SSRP1: variants seen among roughly 807,000 people sequenced by gnomAD.
SSRP1 encodes the protein structure specific recognition protein 1.
Under a neutral mutation model 84.4 loss-of-function variants are expected in SSRP1, and 21 were observed. The ratio of observed to expected loss-of-function variants is 0.25; its 90% CI spans 0.18 to 0.36. SSRP1 has a LOEUF of 0.36. SSRP1 is among the 10% of genes least tolerant of loss of function. The pLI is 1.00. For missense variants in SSRP1, 519 were observed against 900.8 expected, an observed-to-expected ratio of 0.58 and a Z score of 5.43; for synonymous variants, 319 against 318.3, an observed-to-expected ratio of 1.00 and a Z score of -0.02.
intron 12 of SSRP1, chr11:57,329,035 A>T (rs1856039397): frequency 6.6e-6 from 1 of 152,546 alleles, no homozygotes; most frequent in South Asian, 2.1e-4. Context: ...AGTCCAACCC[A>T]GTGCCTACCC....
chr11:57,328,972 A>G (rs1856038170), intron 12 of SSRP1: 1 of 152,530 alleles, frequency 6.6e-6, no homozygotes, highest in East Asian at 1.9e-4. Flanking sequence ...TGGCCCCTAC[A>G]GTCTTCTGAT....
At position 57,335,388 on chromosome 11, in the gene SSRP1, G is replaced by A. The variant is rs1017752776; in HGVS notation, c.-119-148C>T. On this transcript the variant is annotated intron_variant, in intron 1 of 16. Transcript: ENST00000278412. The surrounding 1 kb of genome is among the most constrained non-coding windows in gnomAD (Gnocchi z 4.6). Reference sequence around the variant, plus strand: ...ACAGACGGACGCTGCAGTGCCCGAGGGTCCAGGTCCAGGCCTGGGTGGAGA... The same window carrying A: ...ACAGACGGACGCTGCAGTGCCCGAGAGTCCAGGTCCAGGCCTGGGTGGAGA... 6 of 430,882 alleles carry A rather than the reference G, an allele frequency of 1.4e-5. No homozygotes were observed. The highest frequency in any genetic ancestry group is 1.2e-4 in the African/African-American group (6 of 49,582). 26.7% of individuals were successfully genotyped at this position (430,882 alleles called of 1,614,324 possible). A position where few individuals can be genotyped will look rare whatever the true frequency, so the allele number is the denominator to read the frequency against.
rs1487086828 is a variant in SSRP1 at position 57,333,127 on chromosome 11, A to G, written c.369T>C (p.Ile123=). The change falls in exon 5 of 17, where the codon ATT becomes ATC. Residue 123 remains isoleucine, a synonymous_variant. Coordinates refer to ENST00000278412, the MANE Select transcript of SSRP1 (RefSeq NM_003146.3). ...KFGGQLLSFD[I]GDQPVFEIPL... is the part of the protein sequence containing the mutation. Reference sequence around the variant, plus strand: ...GTATCTCAAAGACTGGCTGGTCACCAATGTCAAAGGAAAGCAGCTGCCCTG... The same window carrying G: ...GTATCTCAAAGACTGGCTGGTCACCGATGTCAAAGGAAAGCAGCTGCCCTG... 2 of 1,611,710 alleles carry G rather than the reference A, an allele frequency of 1.2e-6. No homozygotes were observed. The highest frequency in any genetic ancestry group is 1.7e-5 in the Admixed American group (1 of 59,940).
chr11:57,335,630 C>T lies in SSRP1; in HGVS notation c.-120+100G>A, dbSNP rs1336060011. The T allele has an allele frequency of 6.2e-6, 1 of 161,588 alleles. No individual in the cohort carries two copies. 10.0% of individuals were successfully genotyped at this position (161,588 alleles called of 1,614,324 possible). On this transcript the variant is annotated intron_variant, in intron 1 of 16. Transcript: ENST00000278412. This position sits in a 1 kb window ranked among gnomAD's most constrained non-coding sequence, Gnocchi z 4.6. Reference sequence around the variant, plus strand: ...ACCCCCGCCCCACATAATGGATTCGCCCGCTCCCCGCGGTTGCGAACGCGG... The same window carrying T: ...ACCCCCGCCCCACATAATGGATTCGTCCGCTCCCCGCGGTTGCGAACGCGG...
Position 57,332,859 on chromosome 11 carries a change from C to A in SSRP1, c.538-4G>T. The A allele has an allele frequency of 1.9e-6, 3 of 1,606,720 alleles. No homozygotes were observed. Among genetic ancestry groups the A allele is most frequent in the Non-Finnish European group, 2.6e-6 (3 of 1,174,390 alleles). On this transcript the variant is annotated splice_polypyrimidine_tract_variant and splice_region_variant and intron_variant, in intron 5 of 16. Coordinates refer to ENST00000278412, the MANE Select transcript of SSRP1 (RefSeq NM_003146.3). The surrounding 1 kb of genome is among the most constrained non-coding windows in gnomAD (Gnocchi z 5.5). The stretch of plus-strand genomic sequence containing the variant: ...ACAACACATTCTGGGCAAAGGCCTG[C>A]AAAAGCACATATTGGTAGCCAAGCA...
rs1408328078 is a variant in SSRP1 at position 57,334,551 on chromosome 11, C to A, written c.152G>T (p.Gly51Val). 2.5e-6 allele frequency: 4 copies of A among 1,614,206 alleles called. No homozygotes were observed. Among genetic ancestry groups the A allele is most frequent in the African/African-American group, 1.3e-5 (1 of 75,072 alleles). The change falls in exon 3 of 17, where the codon GGT becomes GTT. Residue 51 changes from glycine (G) to valine (V), a missense_variant. Physicochemically the swap from Gly to Val is moderately radical, Grantham distance 109. Around this residue, in one of 7 missense-constraint regions of SSRP1, gnomAD observed 88 missense variants for 122.0 expected, o/e 0.72. Transcript: ENST00000278412. ...DNIQAGELTE[G>V]IWRRVALGHG... is the part of the protein sequence containing the mutation. ...GCCCAGAGCAACACGGCGCCAGATA[C>A]CTTCTGTTAACTCCCCAGCCTGGAT...
intron 2 of SSRP1, 112 bp from the exon 3 acceptor site, chr11:57,334,760 G>A (rs1047927464): frequency 3.8e-6 from 5 of 1,301,444 alleles, no homozygotes; most frequent in Non-Finnish European, 5.3e-6. Context: ...GATTATCAAT[G>A]CAGGAGCAAC....
chr11:57,328,484 C>T, intron 12 of SSRP1, 58 bp from the exon 13 acceptor site: 1 of 1,605,744 alleles, frequency 6.2e-7, no homozygotes, highest in Non-Finnish European at 8.5e-7. Context: ...CCCACGGCCT[C>T]AGGACAGGAG....
chr11:57,333,625 T>C, intron 3 of SSRP1, 85 bp from the exon 4 acceptor site: 1 of 980,688 alleles, frequency 1.0e-6, no homozygotes, highest in Non-Finnish European at 1.6e-6. Context: ...TATCTATTTC[T>C]GAGAAACTGC....
At position 57,330,236 on chromosome 11, in the gene SSRP1, G is replaced by C; in HGVS notation, c.1435+55C>G. 2 of 1,614,044 alleles carry C rather than the reference G, an allele frequency of 1.2e-6. No homozygotes were observed. Among genetic ancestry groups the C allele is most frequent in the South Asian group, 2.2e-5 (2 of 91,080 alleles). On this transcript the variant is annotated intron_variant, in intron 11 of 16. Transcript: ENST00000278412. This position sits in a 1 kb window ranked among gnomAD's most constrained non-coding sequence, Gnocchi z 4.0. Reference sequence around the variant, plus strand: ...CTGGCCCAAGGGTGAGTCCAGCCCGGGCCACAGCGAGGAGCGTCTGACCAT... The same window carrying C: ...CTGGCCCAAGGGTGAGTCCAGCCCGCGCCACAGCGAGGAGCGTCTGACCAT...
chr11:57,331,651 C>G lies in SSRP1; in HGVS notation c.1223+17G>C, dbSNP rs1170720529. 16 of 1,599,042 alleles carry G rather than the reference C, an allele frequency of 1.0e-5. No individual in the cohort carries two copies. The highest frequency in any genetic ancestry group is 1.4e-5 in the Non-Finnish European group (16 of 1,166,584). ...CGGGACCAGGATGCCCAGGAAGTGA[C>G]AGGTGGAGGTTCTCACCTCTCAATG... On this transcript the variant is annotated intron_variant, in intron 9 of 16. Coordinates refer to ENST00000278412, the MANE Select transcript of SSRP1 (RefSeq NM_003146.3).
intron 12 of SSRP1, chr11:57,329,855 C>T: frequency 1.7e-6 from 1 of 591,638 alleles, no homozygotes; most frequent in Non-Finnish European, 3.0e-6. Context: ...CCCCAACTGG[C>T]ACATTCAGGG....
In SSRP1 at chr11:57,334,571, C is replaced by T; in HGVS notation, c.132G>A (p.Gln44=). 1.2e-6 allele frequency: 2 copies of T among 1,614,258 alleles called. No individual in the cohort carries two copies. The highest frequency in any genetic ancestry group is 2.2e-5 in the East Asian group (1 of 44,890). Residue 44 remains glutamine (Q), a synonymous_variant, in exon 3 of 17, where the codon CAG becomes CAA. Transcript: ENST00000278412. ...AGATACCTTCTGTTAACTCCCCAGC[C>T]TGGATGTTGTCCACTTTGCCTGTCT... The part of the protein sequence containing the change: ...NSKTGKVDNI[Q]AGELTEGIWR...
chr11:57,330,231 GC>G lies in SSRP1; in HGVS notation c.1435+59del. The G allele has an allele frequency of 6.2e-7, 1 of 1,614,034 alleles. No individual in the cohort carries two copies. Among genetic ancestry groups the G allele is most frequent in the South Asian group, 1.1e-5 (1 of 91,078 alleles). On this transcript the variant is annotated intron_variant, in intron 11 of 16. Coordinates refer to ENST00000278412, the MANE Select transcript of SSRP1 (RefSeq NM_003146.3). This position sits in a 1 kb window ranked among gnomAD's most constrained non-coding sequence, Gnocchi z 4.0. Reference sequence around the variant, plus strand: ...CAGCTCTGGCCCAAGGGTGAGTCCAGCCCGGGCCACAGCGAGGAGCGTCTGA... The same window carrying G: ...CAGCTCTGGCCCAAGGGTGAGTCCAGCCGGGCCACAGCGAGGAGCGTCTGA...
Position 57,330,437 on chromosome 11 carries a change from G to A in SSRP1, c.1297-8C>T, listed in dbSNP as rs747757851. 1 of 1,613,602 alleles carries A rather than the reference G, an allele frequency of 6.2e-7. No individual in the cohort carries two copies. The highest frequency in any genetic ancestry group is 8.5e-7 in the Non-Finnish European group (1 of 1,180,006). On this transcript the variant is annotated splice_region_variant and splice_polypyrimidine_tract_variant and intron_variant, in intron 10 of 16. Transcript: ENST00000278412. This position sits in a 1 kb window ranked among gnomAD's most constrained non-coding sequence, Gnocchi z 4.0. Reference sequence around the variant, plus strand: ...GTAGCTTGGGTTCATGCCCTAGCCAGGGAAGAGTTCACGGTGGGGCCAACT... The same window carrying A: ...GTAGCTTGGGTTCATGCCCTAGCCAAGGAAGAGTTCACGGTGGGGCCAACT...
chr11:57,332,320 T>C lies in SSRP1; in HGVS notation c.873-40A>G, dbSNP rs1172014818. 6.2e-7 allele frequency: 1 copy of C among 1,613,876 alleles called. No individual in the cohort carries two copies. Among genetic ancestry groups the C allele is most frequent in the Admixed American group, 1.7e-5 (1 of 60,010 alleles). ...AGGTGAGGTCACAACACTACTGCCT[T>C]CTAATGGCACACCTGTCTCCTGCCT... is the stretch of plus-strand genomic sequence containing the variant. On this transcript the variant is annotated intron_variant, in intron 7 of 16. Transcript: ENST00000278412. The surrounding 1 kb of genome is among the most constrained non-coding windows in gnomAD (Gnocchi z 5.5).
chr11:57,328,547 G>A, intron 12 of SSRP1, 121 bp from the exon 13 acceptor site: 1 of 1,384,360 alleles, frequency 7.2e-7, no homozygotes, highest in South Asian at 1.4e-5. Flanking sequence ...GAAGACCAGA[G>A]GACAGTATCC....
Position 57,330,861 on chromosome 11 carries a change from C to G in SSRP1, c.1290G>C (p.Leu430Phe). 6.2e-7 allele frequency: 1 copy of G among 1,614,216 alleles called. No individual in the cohort carries two copies. The highest frequency in any genetic ancestry group is 2.2e-5 in the East Asian group (1 of 44,882). ...AKKLNIKNRG[L>F]KEGMNPSYDE... is the part of the protein sequence containing the mutation. The stretch of plus-strand genomic sequence containing the variant: ...CCTCCCCACACAGAAGTACCTCTTT[C>G]AATCCTCGGTTTTTGATGTTGAGCT... The change falls in exon 10 of 17, where the codon TTG (leucine) becomes TTC (phenylalanine). Residue 430 changes from leucine to phenylalanine, a missense_variant. Leu to Phe is a conservative substitution (Grantham distance 22). Transcript: ENST00000278412. The surrounding 1 kb of genome is among the most constrained non-coding windows in gnomAD (Gnocchi z 4.0).
intron 3 of SSRP1, 144 bp from the exon 4 acceptor site, chr11:57,333,684 A>C: frequency 1.4e-5 from 9 of 628,516 alleles, no homozygotes; most frequent in Non-Finnish European, 2.5e-5. Context: ...AACCCAGCTC[A>C]TGGTAAGATT....
Sources: gnomAD v4.1 joint callset for allele counts on GRCh38, gnomAD v4.1.1 for gene constraint, gnomAD v4.1.1 regional missense constraint, Gnocchi (gnomAD v3.1) non-coding constraint, MANE v1.5 for transcripts, NCBI Gene and HGNC (gene_info 2026-07-23, HGNC 2026-07-21) for gene names.